QSER1: variants seen among roughly 807,000 people sequenced by gnomAD.
QSER1 encodes glutamine and serine-rich protein 1.
QSER1 carries 49 observed loss-of-function variants against 158.5 expected under a neutral mutation model. That is an observed-to-expected ratio of 0.31 (90% CI 0.25 to 0.39). The LOEUF (loss-of-function observed/expected upper bound fraction) is 0.39, where lower values mean the gene tolerates loss of function less well. Ranked by LOEUF, QSER1 falls within the 10% of genes least tolerant of loss-of-function variation. QSER1 has a pLI of 1.00. For missense variants in QSER1, 1,754 were observed against 2,010.3 expected, an observed-to-expected ratio of 0.87 and a Z score of 2.44; for synonymous variants, 650 against 715.5, an observed-to-expected ratio of 0.91 and a Z score of 1.46.
rs80051611 is a variant in QSER1 at position 32,979,907 on chromosome 11, C to A, written c.*3433C>A. ...TGTAGAATACAATTTTTGTTTTAAACTGTATTTCAATCTATTTCTCCAAGA... is the reference window on the plus strand; with the variant it reads ...TGTAGAATACAATTTTTGTTTTAAAATGTATTTCAATCTATTTCTCCAAGA... On this transcript the variant is annotated 3_prime_UTR_variant, in exon 13 of 13. Transcript: ENST00000650167. The A allele has an allele frequency of 1.3e-5, 2 of 152,274 alleles. No homozygotes were observed. Among genetic ancestry groups the A allele is most frequent in the East Asian group, 3.9e-4 (2 of 5,190 alleles). 9.4% of individuals were successfully genotyped at this position (152,274 alleles called of 1,614,324 possible).
intron 4 of QSER1, among the ~76,000 whole-genome samples, chr11:32,937,126 A>T (rs1388333586): frequency 6.6e-6 from 1 of 152,148 alleles, no homozygotes; most frequent in East Asian, 1.9e-4. Context: ...GAGATATGTT[A>T]TCTCATTTTT....
intron 1 of QSER1, among the ~76,000 whole-genome samples, chr11:32,908,578 T>C (rs1851722946): frequency 6.6e-6 from 1 of 152,208 alleles, no homozygotes; most frequent in Non-Finnish European, 1.5e-5. Context: ...TTGTACAAAA[T>C]AGGATTTTTG....
Position 32,979,154 on chromosome 11 carries a change from G to A in QSER1, c.*2680G>A, listed in dbSNP as rs1337710781. The A allele has an allele frequency of 6.6e-6, 1 of 152,658 alleles. No homozygotes were observed. Among genetic ancestry groups the A allele is most frequent in the Non-Finnish European group, 1.5e-5 (1 of 68,038 alleles). 9.5% of individuals were successfully genotyped at this position (152,658 alleles called of 1,614,324 possible). On this transcript the variant is annotated 3_prime_UTR_variant, in exon 13 of 13. Transcript: ENST00000650167. ...ACTGTCAAATACGCGGTCTGTCTTT[G>A]AAAAGTTGTAATGCGGCGCATGACT...
intron 1 of QSER1, among the ~76,000 whole-genome samples, chr11:32,911,789 T>A (rs1005028194): frequency 6.6e-6 from 1 of 152,204 alleles, no homozygotes; most frequent in Non-Finnish European, 1.5e-5. Context: ...CGATTAAACC[T>A]CTTTTCTTTT....
chr11:32,966,528 T>C (rs1432530600), intron 9 of QSER1, 91 bp downstream of exon 9: 4 of 1,194,138 alleles, frequency 3.3e-6, no homozygotes, highest in Middle Eastern at 4.0e-4. Flanking sequence ...ATATGTGACT[T>C]GTGTAATATA....
intron 8 of QSER1, among the ~76,000 whole-genome samples, chr11:32,963,444 C>G (rs558246325): frequency 6.6e-6 from 1 of 152,158 alleles, no homozygotes; most frequent in East Asian, 1.9e-4. Flanking sequence ...CACCGCCTCC[C>G]AGGTTCAAGC....
intron 5 of QSER1, 89 bp downstream of exon 5, chr11:32,954,268 C>T: frequency 7.0e-7 from 1 of 1,436,868 alleles, no homozygotes; most frequent in Non-Finnish European, 9.3e-7. Context: ...CATGCATCTA[C>T]TTTGAATTAT....
Position 32,934,878 on chromosome 11 carries a change from G to A in QSER1, c.3620G>A (p.Gly1207Glu). The A allele has an allele frequency of 6.2e-7, 1 of 1,613,946 alleles. No homozygotes were observed. Among genetic ancestry groups the A allele is most frequent in the Non-Finnish European group, 8.5e-7 (1 of 1,179,986 alleles). ...AACCTTCAAAAGAAAAGAGCTAAAGGAAAAGGGCAAGTTAAAGAGGAAGAC... is the reference window on the plus strand; with the variant it reads ...AACCTTCAAAAGAAAAGAGCTAAAGAAAAAGGGCAAGTTAAAGAGGAAGAC... ...HFNLQKKRAK[G>E]KGQVKEEDNS... Residue 1207 changes from glycine (G) to glutamate (E), a missense_variant, in exon 4 of 13, where the codon GGA (glycine) becomes GAA (glutamate). Gly to Glu is a moderately conservative substitution (Grantham distance 98, BLOSUM62 -2). Around this residue, in one of 2 missense-constraint regions of QSER1, gnomAD observed 1,707 missense variants for 1,919.6 expected, o/e 0.89. Transcript: ENST00000650167.
chr11:32,944,571 T>A (rs1246028515), intron 4 of QSER1, among the ~76,000 whole-genome samples: 2 of 151,856 alleles, frequency 1.3e-5, no homozygotes, highest in Non-Finnish European at 2.9e-5. Context: ...AAACCTGAGT[T>A]CTAGTTTGAT....
chr11:32,932,757 C>G lies in QSER1; in HGVS notation c.1499C>G (p.Pro500Arg). Residue 500 changes from proline (P) to arginine (R), a missense_variant, in exon 4 of 13, where the codon CCC (proline) becomes CGC (arginine). Pro to Arg is a moderately radical substitution (Grantham distance 103, BLOSUM62 -2). Transcript: ENST00000650167. ...TCCAGCAAGGTTGAGAAATTGCCAC[C>G]CTTGTATAAAACATTGACTTTTTCT... is the stretch of plus-strand genomic sequence containing the variant. ...YRSSKVEKLPPLYKTLTFSGS... is the reference protein window; with the variant it reads ...YRSSKVEKLPRLYKTLTFSGS... 2 of 1,614,056 alleles carry G rather than the reference C, an allele frequency of 1.2e-6. No homozygotes were observed. Among genetic ancestry groups the G allele is most frequent in the Non-Finnish European group, 1.7e-6 (2 of 1,179,988 alleles).
intron 1 of QSER1, among the ~76,000 whole-genome samples, chr11:32,913,607 C>T (rs770134345): frequency 6.6e-6 from 1 of 152,174 alleles, no homozygotes; most frequent in Non-Finnish European, 1.5e-5. Context: ...TAACACTTGG[C>T]AGTCAGTAAA....
intron 1 of QSER1, among the ~76,000 whole-genome samples, chr11:32,901,511 A>G (rs1262702380): frequency 1.3e-5 from 2 of 152,224 alleles, no homozygotes; most frequent in Admixed American, 1.3e-4. Context: ...AGGGATTAGT[A>G]CAAAGAAGGA....
chr11:32,934,736 G>A lies in QSER1; in HGVS notation c.3478G>A (p.Asp1160Asn), dbSNP rs780349125. Residue 1160 changes from aspartate to asparagine, a missense_variant, in exon 4 of 13, where the codon GAC becomes AAC. Transcript: ENST00000650167. ...GAGTGAATTTACCTTAGGGGGTGAC[G>A]ACAGTGGTGTGTCAATGAACCCAGC... ...SESEFTLGGD[D>N]SGVSMNPARS... The A allele has an allele frequency of 7.4e-6, 12 of 1,613,718 alleles. No homozygotes were observed. The highest frequency in any genetic ancestry group is 2.2e-5 in the East Asian group (1 of 44,900).
intron 4 of QSER1, among the ~76,000 whole-genome samples, chr11:32,953,325 A>T (rs1393894681): frequency 6.8e-6 from 1 of 147,176 alleles, no homozygotes; most frequent in Non-Finnish European, 1.5e-5. Flanking sequence ...ACCCTTCCTT[A>T]TCTTCTATCA....
chr11:32,940,508 G>A (rs1292975131), intron 4 of QSER1, among the ~76,000 whole-genome samples: 2 of 151,934 alleles, frequency 1.3e-5, no homozygotes, highest in African/African-American at 4.8e-5. Flanking sequence ...GGATTATGTT[G>A]GTCATACAAA....
At chr11:32,956,552 A>G (rs1364193908) in intron 7 of QSER1, among the ~76,000 whole-genome samples, 1 of 152,242 alleles carries the variant, frequency 6.6e-6, no homozygotes, top group Non-Finnish European at 1.5e-5. Flanking sequence ...TGTACACAGT[A>G]GAATTATTAT....
At position 32,902,051 on chromosome 11, in the gene QSER1, C is replaced by T. The variant is rs570018436; in HGVS notation, c.209+8717C>T. Among the ~76,000 whole-genome samples the T allele has an allele frequency of 1.4e-4, 21 of 152,228 alleles. No individual in the cohort carries two copies. The South Asian group carries it at 4.1e-3, about 30-fold the overall frequency. On this transcript the variant is annotated intron_variant, in intron 1 of 12. Transcript: ENST00000650167. ...TCAGCCATGATTGTGCCACTGCACT[C>T]CAGTGTGGGCATAGGGAGTGAGACC...
At chr11:32,931,103 A>G (rs1852039133) in intron 3 of QSER1, among the ~76,000 whole-genome samples, 1 of 151,466 alleles carries the variant, frequency 6.6e-6, no homozygotes, top group African/African-American at 2.4e-5. Context: ...TTTTAATGTT[A>G]TGTACATTTT....
chr11:32,916,706 G>A (rs576023526), intron 1 of QSER1, among the ~76,000 whole-genome samples: 3 of 152,084 alleles, frequency 2.0e-5, no homozygotes, highest in South Asian at 2.1e-4. Flanking sequence ...CATGGAAAAG[G>A]TACAGTAAAA....
Sources: allele counts gnomAD v4.1 joint callset (sites outside exome capture counted in the v4.1 genomes callset), GRCh38; gene constraint gnomAD v4.1.1; regional missense constraint gnomAD v4.1.1; transcripts MANE v1.5; gene names NCBI Gene and HGNC (gene_info 2026-07-23, HGNC 2026-07-21).